The following PLPP4 variants were observed in gnomAD, a reference collection of about 807,000 sequenced individuals.
PLPP4 encodes diacylglycerol pyrophosphate like 2.
A neutral mutation model predicts 32.2 loss-of-function variants in PLPP4; 20 were observed. The ratio of observed to expected loss-of-function variants is 0.62; its 90% CI spans 0.44 to 0.90. The LOEUF is 0.90. PLPP4 is among the 40% of genes least tolerant of loss of function. The probability of loss-of-function intolerance (pLI) is 0.00; values close to 1 mark genes in which losing one functional copy is unlikely to be tolerated. For missense variants in PLPP4, 257 were observed against 353.1 expected, an observed-to-expected ratio of 0.73 and a Z score of 2.18; for synonymous variants, 127 against 133.0, an observed-to-expected ratio of 0.95 and a Z score of 0.31.
chr10:120,570,191 G>A (rs1848869423), intron 5 of PLPP4, among the ~76,000 whole-genome samples: 1 of 152,032 alleles, frequency 6.6e-6, no homozygotes, highest in African/African-American at 2.4e-5. Flanking sequence ...TCCTCTGCCT[G>A]CTCTGCTTGG....
In PLPP4 at chr10:120,500,203, A is replaced by G. The variant is rs1845176897; in HGVS notation, c.57-3615A>G. Among the ~76,000 whole-genome samples, 6 of 152,150 alleles carry G rather than the reference A, an allele frequency of 3.9e-5. No homozygotes were observed. In the South Asian group the frequency reaches 1.2e-3, roughly 32 times the overall value. ...CCTGGGTGCACCAGTCTTTAGAAAAATTGCCACGAGGATAATAAAACCTGA... is the reference window on the plus strand; with the variant it reads ...CCTGGGTGCACCAGTCTTTAGAAAAGTTGCCACGAGGATAATAAAACCTGA... On this transcript the variant is annotated intron_variant, in intron 1 of 6. Transcript: ENST00000398250.
At chr10:120,556,632 T>A (rs1286036737) in intron 5 of PLPP4, among the ~76,000 whole-genome samples, 1 of 152,220 alleles carries the variant, frequency 6.6e-6, no homozygotes, top group Non-Finnish European at 1.5e-5. Context: ...TATTGAGTAC[T>A]TACTGGATGC....
At chr10:120,486,934 G>A (rs1306940047) in intron 1 of PLPP4, among the ~76,000 whole-genome samples, 1 of 152,212 alleles carries the variant, frequency 6.6e-6, no homozygotes, top group African/African-American at 2.4e-5. Context: ...ACAGACATGA[G>A]CCCTTGCTTA....
chr10:120,577,372 C>T (rs1414036343), intron 6 of PLPP4, among the ~76,000 whole-genome samples: 1 of 152,228 alleles, frequency 6.6e-6, no homozygotes, highest in African/African-American at 2.4e-5. Context: ...GTCTTCAGCA[C>T]TCTCTGGCCC....
chr10:120,535,524 A>G (rs10788100), intron 5 of PLPP4, among the ~76,000 whole-genome samples: 140,857 of 152,124 alleles, frequency 0.93, 65,527 homozygotes, highest in East Asian at 1. Context: ...GTCTTATTCT[A>G]TCGGTCACTG....
chr10:120,559,901 T>C (rs1375926857), intron 5 of PLPP4, among the ~76,000 whole-genome samples: 1 of 152,202 alleles, frequency 6.6e-6, no homozygotes, highest in Non-Finnish European at 1.5e-5. Context: ...GCTGCAGTAT[T>C]AAATCACAGC....
chr10:120,515,893 C>T (rs920456743), intron 3 of PLPP4, among the ~76,000 whole-genome samples: 29 of 152,274 alleles, frequency 1.9e-4, no homozygotes, highest in African/African-American at 4.1e-4. Context: ...TTCTCACTGA[C>T]GGCTGGCTTT....
Position 120,589,431 on chromosome 10 carries a change from A to G in PLPP4, c.745A>G (p.Lys249Glu), listed in dbSNP as rs199672542. Reference protein sequence around the residue: ...VSLRVPASLKKEERPTADSAP... With the variant: ...VSLRVPASLKEEERPTADSAP... ...TCTGCGAGTCCCAGCCTCACTGAAG[A>G]AAGAGGAGAGGCCCACAGCTGACAG... Residue 249 changes from lysine (K) to glutamate (E), a missense_variant, in exon 7 of 7, where the codon AAA becomes GAA. Transcript: ENST00000398250. 1 of 1,614,050 alleles carries G rather than the reference A, an allele frequency of 6.2e-7. No homozygotes were observed. The highest frequency in any genetic ancestry group is 8.5e-7 in the Non-Finnish European group (1 of 1,179,966).
intron 5 of PLPP4, among the ~76,000 whole-genome samples, chr10:120,571,885 G>T (rs981082487): frequency 6.6e-6 from 1 of 152,164 alleles, no homozygotes; most frequent in Non-Finnish European, 1.5e-5. Flanking sequence ...TATTATGTTA[G>T]TTCAATAACA....
chr10:120,572,732 C>G (rs368969553), intron 5 of PLPP4, among the ~76,000 whole-genome samples: 1 of 152,172 alleles, frequency 6.6e-6, no homozygotes, highest in Non-Finnish European at 1.5e-5. Context: ...AACTCTCCAG[C>G]CTCCTCTCCC....
intron 1 of PLPP4, among the ~76,000 whole-genome samples, chr10:120,501,672 C>T (rs948010545): frequency 6.6e-6 from 1 of 152,272 alleles, no homozygotes; most frequent in East Asian, 1.9e-4. Context: ...TACAGGATGT[C>T]CTGTCCTTGG....
At chr10:120,497,176 A>G (rs2133851656) in intron 1 of PLPP4, among the ~76,000 whole-genome samples, 1 of 152,166 alleles carries the variant, frequency 6.6e-6, no homozygotes, top group Non-Finnish European at 1.5e-5. Flanking sequence ...TGCTTTTGTG[A>G]TTTAGCAGTG....
intron 5 of PLPP4, among the ~76,000 whole-genome samples, chr10:120,527,808 T>A (rs1846475594): frequency 6.6e-6 from 1 of 152,192 alleles, no homozygotes; most frequent in African/African-American, 2.4e-5. Flanking sequence ...TGAAGGAATC[T>A]AAGTAGGTTT....
intron 1 of PLPP4, among the ~76,000 whole-genome samples, chr10:120,481,860 T>C (rs953339133): frequency 6.6e-6 from 1 of 152,176 alleles, no homozygotes. Context: ...AATTGAATCA[T>C]GGGGGCAGGT....
intron 5 of PLPP4, among the ~76,000 whole-genome samples, chr10:120,547,502 A>G (rs1430846752): frequency 6.6e-6 from 1 of 152,204 alleles, no homozygotes; most frequent in Non-Finnish European, 1.5e-5. Context: ...TAATAAGTCA[A>G]GAAAGAGCTA....
chr10:120,556,272 G>C (rs993920788), intron 5 of PLPP4, among the ~76,000 whole-genome samples: 1 of 152,178 alleles, frequency 6.6e-6, no homozygotes, highest in Non-Finnish European at 1.5e-5. Flanking sequence ...AGTGCCCTGG[G>C]GGGTAATTCT....
intron 2 of PLPP4, among the ~76,000 whole-genome samples, chr10:120,513,273 A>G (rs925994611): frequency 6.6e-6 from 1 of 152,102 alleles, no homozygotes; most frequent in Non-Finnish European, 1.5e-5. Context: ...AGGCTCCTGG[A>G]CTTGATGGTA....
At position 120,534,590 on chromosome 10, in the gene PLPP4, A is replaced by G. The variant is rs181150657; in HGVS notation, c.445+13495A>G. Among the ~76,000 whole-genome samples the G allele has an allele frequency of 2.6e-5, 4 of 152,026 alleles. No homozygotes were observed. The East Asian group carries it at 7.8e-4, about 29-fold the overall frequency. ...GTACTTCCATTACATCTACATTGGT[A>G]TGCTTAAATGTGTCCTATATTTCTG... is the stretch of plus-strand genomic sequence containing the variant. On this transcript the variant is annotated intron_variant, in intron 5 of 6. Transcript: ENST00000398250.
In PLPP4 at chr10:120,538,052, C is replaced by CTGTG. The variant is rs972974599; in HGVS notation, c.445+16987_445+16990dup. ...TCTCTCTCTCTCTCTCTCTCTCTCTCTGTGTGTGTGTGTGTGTGTGTGTGT... is the reference window on the plus strand; with the variant it reads ...TCTCTCTCTCTCTCTCTCTCTCTCTCTGTGTGTGTGTGTGTGTGTGTGTGTGTGT... On this transcript the variant is annotated intron_variant, in intron 5 of 6. Coordinates refer to ENST00000398250, the MANE Select transcript of PLPP4 (RefSeq NM_001030059.3). Among the ~76,000 whole-genome samples the CTGTG allele has an allele frequency of 6.6e-3, 126 of 18,986 alleles. 7 individuals carry two copies. The highest frequency in any genetic ancestry group is 0.045 in the Middle Eastern group (1 of 22). The allele number at this position is 18,986 out of a possible 152,430, so 12.5% of individuals were successfully genotyped here. A position where few individuals can be genotyped will look rare whatever the true frequency, so the allele number is the denominator to read the frequency against.
Sources: gnomAD v4.1 joint callset for allele counts (sites outside exome capture counted in the v4.1 genomes callset) on GRCh38, gnomAD v4.1.1 for gene constraint, MANE v1.5 for transcripts, NCBI Gene and HGNC (gene_info 2026-07-23, HGNC 2026-07-21) for gene names.